The following HEATR1 variants were observed in gnomAD, a reference collection of about 807,000 sequenced individuals.
The protein encoded by HEATR1 is HEAT repeat-containing protein 1.
A neutral mutation model predicts 248.2 loss-of-function variants in HEATR1; 77 were observed. That is an observed-to-expected ratio of 0.31 (90% confidence interval 0.26 to 0.37). The LOEUF is 0.37. HEATR1 is among the 10% of genes least tolerant of loss of function. The pLI, the probability that HEATR1 is intolerant of heterozygous loss-of-function variation, is 1.00. For missense variants in HEATR1, 2,420 were observed against 2,504.9 expected (o/e 0.97, Z 0.72); for synonymous variants, 897 against 923.1 (o/e 0.97, Z 0.51).
Position 236,569,075 on chromosome 1 carries a change from T to G in HEATR1, c.3998A>C (p.Asn1333Thr), listed in dbSNP as rs150496012. The G allele has an allele frequency of 2.5e-6, 4 of 1,606,420 alleles. No homozygotes were observed. Among genetic ancestry groups the G allele is most frequent in the Non-Finnish European group, 3.4e-6 (4 of 1,176,348 alleles). Residue 1333 changes from asparagine to threonine, a missense_variant, in exon 29 of 45, where the codon AAT (asparagine) becomes ACT (threonine). By Grantham distance (65) the Asn-to-Thr change is moderately conservative. Transcript: ENST00000366582. ...IMSIFTFMGA[N>T]VMRLDDTYSF... ...GTAAGTATCATCTAGGCGCATGACA[T>G]TGGCTCCCATAAATGTAAAAATAGA...
intron 36 of HEATR1, 146 bp from the exon 37 acceptor site, chr1:236,557,491 T>G: frequency 1.3e-6 from 1 of 752,632 alleles, no homozygotes; most frequent in Non-Finnish European, 2.1e-6. Context: ...GTCTATACAT[T>G]TTATGTGGCT....
At chr1:236,600,938 T>C (rs28666921) in intron 3 of HEATR1, among the ~76,000 whole-genome samples, 1 of 152,244 alleles carries the variant, frequency 6.6e-6, no homozygotes, top group East Asian at 1.9e-4. Context: ...TCCTTTATTA[T>C]GGCATTTATT....
chr1:236,604,375 A>C, intron 1 of HEATR1, 47 bp downstream of exon 1: 1 of 310,244 alleles, frequency 3.2e-6, no homozygotes, highest in Non-Finnish European at 5.8e-6. Flanking sequence ...CTCCCTCGAT[A>C]TGCCGCCCCC....
At position 236,558,488 on chromosome 1, in the gene HEATR1, A is replaced by T. The variant is rs771898737; in HGVS notation, c.4953T>A (p.Ile1651=). 1.2e-6 allele frequency: 2 copies of T among 1,614,012 alleles called. No homozygotes were observed. Among genetic ancestry groups the T allele is most frequent in the Non-Finnish European group, 1.7e-6 (2 of 1,180,006 alleles). The part of the protein sequence containing the change: ...FLKLVPDLLA[I]VQRKKKEGEE... ...CCCCTTCCTTTTTCTTACGCTGCAC[A>T]ATGGCCAAAAGGTCTGGAACCAGTT... Residue 1651 remains isoleucine (I), a synonymous_variant, in exon 36 of 45, where the codon ATT becomes ATA. Coordinates refer to ENST00000366582, the MANE Select transcript of HEATR1 (RefSeq NM_018072.6).
chr1:236,595,423 C>A, intron 8 of HEATR1, 117 bp downstream of exon 8: 1 of 848,466 alleles, frequency 1.2e-6, no homozygotes, highest in Non-Finnish European at 1.7e-6. Context: ...ACAAGTTACA[C>A]AAGAACAACT....
At chr1:236,564,183 T>C (rs75989336) in intron 32 of HEATR1, among the ~76,000 whole-genome samples, 3,784 of 152,340 alleles carry the variant, frequency 0.025, 53 homozygotes, top group Middle Eastern at 0.054. Context: ...GTTACCAGTT[T>C]TGTGCTACCA....
intron 9 of HEATR1, among the ~76,000 whole-genome samples, chr1:236,593,155 T>C (rs2853586): frequency 0.6 from 90,459 of 151,564 alleles, 28,677 homozygotes; most frequent in East Asian, 0.72. Context: ...GATTGTGCCA[T>C]TGCACTCCAG....
chr1:236,559,330 T>C (rs1663061513), intron 34 of HEATR1, among the ~76,000 whole-genome samples, 195 bp from the exon 35 acceptor site: 1 of 152,194 alleles, frequency 6.6e-6, no homozygotes, highest in African/African-American at 2.4e-5. Context: ...AACAAAAGCC[T>C]GATGTCAGGA....
chr1:236,552,220 G>T, intron 43 of HEATR1, 113 bp from the exon 44 acceptor site: 2 of 630,814 alleles, frequency 3.2e-6, no homozygotes, highest in Non-Finnish European at 5.6e-6. Context: ...GTTCACATGC[G>T]TTTATTCACT....
At chr1:236,585,742 T>A in intron 16 of HEATR1, 78 bp downstream of exon 16, 1 of 1,470,094 alleles carries the variant, frequency 6.8e-7, no homozygotes, top group Non-Finnish European at 9.2e-7. Flanking sequence ...TTAAGAAAAA[T>A]CTAGTAAAGC....
At chr1:236,594,926 G>A (rs1214016199) in intron 8 of HEATR1, among the ~76,000 whole-genome samples, 1 of 152,072 alleles carries the variant, frequency 6.6e-6, no homozygotes, top group Non-Finnish European at 1.5e-5. Flanking sequence ...AGTCTCCCGA[G>A]CAGCTGGGAC....
intron 5 of HEATR1, among the ~76,000 whole-genome samples, 179 bp downstream of exon 5, chr1:236,597,699 T>TAA (rs5781901): frequency 4.1e-5 from 6 of 146,238 alleles, no homozygotes; most frequent in East Asian, 2.0e-4. Flanking sequence ...GACTGATTCT[T>TAA]AAAAAAAAAA....
intron 17 of HEATR1, among the ~76,000 whole-genome samples, chr1:236,583,936 C>T (rs932507852): frequency 1.3e-5 from 2 of 152,002 alleles, no homozygotes; most frequent in Non-Finnish European, 2.9e-5. Flanking sequence ...AAACAAGCAG[C>T]AAAATGTTAG....
chr1:236,580,146 A>G (rs1030449705), intron 20 of HEATR1, among the ~76,000 whole-genome samples: 3 of 152,202 alleles, frequency 2.0e-5, no homozygotes, highest in Admixed American at 6.5e-5. Context: ...CCACTTTTCA[A>G]TATCGCATTC....
At chr1:236,556,636 G>A (rs986179126) in intron 37 of HEATR1, among the ~76,000 whole-genome samples, 4 of 152,214 alleles carry the variant, frequency 2.6e-5, no homozygotes, top group African/African-American at 9.6e-5. Flanking sequence ...TGGCTGTGGT[G>A]TAAGTGAAGC....
Position 236,596,936 on chromosome 1 carries a change from A to T in HEATR1, c.644T>A (p.Val215Glu). ...GGTAGAAGCATAGAAAGCCAAGAGC[A>T]CCCTCAACTGAGCTGAGCTGCCCGG... is the stretch of plus-strand genomic sequence containing the variant. ...EYPGSSAQLR[V>E]LLAFYASTIV... Residue 215 changes from valine to glutamate, a missense_variant, in exon 6 of 45, where the codon GTG becomes GAG. By Grantham distance (121) the Val-to-Glu change is moderately radical. Coordinates refer to ENST00000366582, the MANE Select transcript of HEATR1 (RefSeq NM_018072.6). 6.2e-7 allele frequency: 1 copy of T among 1,614,072 alleles called. No homozygotes were observed. The highest frequency in any genetic ancestry group is 8.5e-7 in the Non-Finnish European group (1 of 1,179,996).
intron 44 of HEATR1, 84 bp from the exon 45 acceptor site, chr1:236,551,074 T>C: frequency 9.4e-7 from 1 of 1,062,186 alleles, no homozygotes; most frequent in South Asian, 1.6e-5. Context: ...CTTAATGCCT[T>C]GCACTTTCCG....
At position 236,587,441 on chromosome 1, in the gene HEATR1, T is replaced by C; in HGVS notation, c.1676A>G (p.Asn559Ser). 6.5e-7 allele frequency: 1 copy of C among 1,540,326 alleles called. No individual in the cohort carries two copies. Among genetic ancestry groups the C allele is most frequent in the South Asian group, 1.3e-5 (1 of 78,362 alleles). ...TGAAAGTTCTGCTCTTTGAAAGAGA[T>C]TCAGAAGATTTGAAATCGTCACTTC... is the stretch of plus-strand genomic sequence containing the variant. ...SSEVTISNLLNLFQRAELSKN... is the reference protein window; with the variant it reads ...SSEVTISNLLSLFQRAELSKN... The change falls in exon 14 of 45, where the codon AAT (asparagine) becomes AGT (serine). Residue 559 changes from asparagine to serine, a missense_variant. By Grantham distance (46) the Asn-to-Ser change is conservative (BLOSUM62 1). Transcript: ENST00000366582.
chr1:236,565,868 T>A, intron 31 of HEATR1, 51 bp downstream of exon 31: 1 of 1,560,218 alleles, frequency 6.4e-7, no homozygotes, highest in Non-Finnish European at 8.7e-7. Context: ...TCTCTTCTGT[T>A]TCTCTTTAGC....
Sources: gnomAD v4.1 joint callset for allele counts (sites outside exome capture counted in the v4.1 genomes callset) on GRCh38, gnomAD v4.1.1 for gene constraint, MANE v1.5 for transcripts, NCBI Gene and HGNC (gene_info 2026-07-23, HGNC 2026-07-21) for gene names.